CNKSR2: variants seen among roughly 807,000 people sequenced by gnomAD.
CNKSR2 encodes CNK homolog protein 2.
In CNKSR2, 14 loss-of-function variants were observed where a neutral mutation model predicts 84.4. That is an observed-to-expected ratio of 0.17 (90% CI 0.11 to 0.26). The LOEUF is 0.26. Ranked by LOEUF, CNKSR2 falls within the 10% of genes least tolerant of loss-of-function variation. The pLI is 1.00. For missense variants in CNKSR2, 485 were observed against 771.2 expected (o/e 0.63, Z 4.40); for synonymous variants, 275 against 277.9 (o/e 0.99, Z 0.10).
Position 21,402,615 on chromosome X carries a change from T to G in CNKSR2, c.65-23882T>G, listed in dbSNP as rs1032235140. 3.6e-5 allele frequency among the ~76,000 whole-genome samples: 4 copies of G among 111,108 alleles called. No homozygotes were observed. In the East Asian group the frequency reaches 8.4e-4, roughly 23 times the overall value. ...GCTAAAAGAGAGGATAATGCTAAAA[T>G]AGTAAATAAATATTTTTATATTTAT... On this transcript the variant is annotated intron_variant, in intron 1 of 21. Transcript: ENST00000379510.
chrX:21,487,264 C>A (rs1225385044), intron 5 of CNKSR2, among the ~76,000 whole-genome samples: 2 of 111,516 alleles, frequency 1.8e-5, no homozygotes, highest in African/African-American at 3.3e-5. Context: ...TTGGTATTTT[C>A]TTTTCCCTAA....
At chrX:21,632,247 C>T (rs887379550) in intron 20 of CNKSR2, among the ~76,000 whole-genome samples, 2 of 111,379 alleles carry the variant, frequency 1.8e-5, no homozygotes, top group African/African-American at 3.3e-5. Context: ...TCAGCTTGGC[C>T]GTTTCTGTTG....
intron 1 of CNKSR2, among the ~76,000 whole-genome samples, chrX:21,375,183 G>C (rs1375251754): frequency 8.8e-6 from 1 of 113,028 alleles, no homozygotes. Context: ...AGAGCTAGAG[G>C]GCAGCGGGCG....
At chrX:21,586,332 G>T (rs142179042) in intron 13 of CNKSR2, among the ~76,000 whole-genome samples, 1,885 of 111,777 alleles carry the variant, frequency 0.017, 15 homozygotes, top group Middle Eastern at 0.051. Flanking sequence ...GTATAAAACT[G>T]AATTCCTAGG....
chrX:21,559,195 A>ACACAC (rs1439799514), intron 11 of CNKSR2, among the ~76,000 whole-genome samples: 1 of 110,433 alleles, frequency 9.1e-6, no homozygotes, highest in Non-Finnish European at 1.9e-5. Context: ...TAAACAAGAG[A>ACACAC]CACACAGCAA....
intron 1 of CNKSR2, among the ~76,000 whole-genome samples, chrX:21,404,161 G>A (rs908737985): frequency 2.7e-5 from 3 of 111,667 alleles, no homozygotes; most frequent in African/African-American, 9.7e-5. Flanking sequence ...ATAGAGGAGA[G>A]ATGCAAGATG....
At chrX:21,421,287 GTT>G (rs756375947) in intron 1 of CNKSR2, among the ~76,000 whole-genome samples, 2,745 of 86,873 alleles carry the variant, frequency 0.032, 107 homozygotes, top group African/African-American at 0.11. Flanking sequence ...ATTTAAGATG[GTT>G]TTTTTTTTTT....
chrX:21,538,718 G>A, intron 11 of CNKSR2: 1 of 112,809 alleles, frequency 8.9e-6, no homozygotes, highest in Non-Finnish European at 1.9e-5. Context: ...GAAGCCAACA[G>A]TGCGGACTTC....
intron 2 of CNKSR2, chrX:21,429,432 C>A (rs2090606601): frequency 9.0e-6 from 1 of 111,644 alleles, no homozygotes; most frequent in South Asian, 3.8e-4. Flanking sequence ...GCAGTGCCCT[C>A]CGTACCCCTG....
At chrX:21,387,518 T>C (rs1342210008) in intron 1 of CNKSR2, among the ~76,000 whole-genome samples, 1 of 111,763 alleles carries the variant, frequency 8.9e-6, no homozygotes, top group Non-Finnish European at 1.9e-5. Flanking sequence ...TACAGCAGAA[T>C]AGCTGAGGAA....
chrX:21,625,249 G>T (rs181489836), intron 20 of CNKSR2, among the ~76,000 whole-genome samples: 1 of 112,402 alleles, frequency 8.9e-6, no homozygotes, highest in East Asian at 2.8e-4. Flanking sequence ...TATAATACAT[G>T]TAACATGGCA....
At chrX:21,446,162 A>C (rs2090852281) in intron 4 of CNKSR2, among the ~76,000 whole-genome samples, 1 of 111,561 alleles carries the variant, frequency 9.0e-6, no homozygotes, top group Admixed American at 9.6e-5. Flanking sequence ...TTAATTATAA[A>C]GAAGCAATAT....
chrX:21,581,958 CA>C (rs1229519671), intron 13 of CNKSR2, among the ~76,000 whole-genome samples: 1 of 111,582 alleles, frequency 9.0e-6, no homozygotes, highest in Non-Finnish European at 1.9e-5. Context: ...AAGAATTAGT[CA>C]AAAGGCAGGC....
chrX:21,522,796 T>C (rs1258939926), intron 9 of CNKSR2, among the ~76,000 whole-genome samples: 1 of 110,853 alleles, frequency 9.0e-6, no homozygotes, highest in African/African-American at 3.3e-5. Context: ...CAATGATGTT[T>C]AAGCTGGATG....
At chrX:21,464,578 C>T (rs1012484500) in intron 4 of CNKSR2, among the ~76,000 whole-genome samples, 6 of 111,268 alleles carry the variant, frequency 5.4e-5, no homozygotes, top group Non-Finnish European at 1.1e-4. Context: ...TGCGGAGATT[C>T]CCATAACTGA....
At chrX:21,585,162 G>A (rs1407045109) in intron 13 of CNKSR2, among the ~76,000 whole-genome samples, 1 of 108,443 alleles carries the variant, frequency 9.2e-6, no homozygotes, top group Non-Finnish European at 1.9e-5. Flanking sequence ...AGGATCACTT[G>A]AGCCCAGGAG....
At chrX:21,615,358 G>T (rs1478963603) in intron 20 of CNKSR2, among the ~76,000 whole-genome samples, 1 of 111,895 alleles carries the variant, frequency 8.9e-6, no homozygotes, top group African/African-American at 3.2e-5. Context: ...GAATGAATAA[G>T]CATGTTTTCC....
At chrX:21,645,822 G>A (rs1425233536) in intron 20 of CNKSR2, 2 of 111,824 alleles carry the variant, frequency 1.8e-5, no homozygotes, top group East Asian at 5.6e-4. Context: ...AGTTGCAACA[G>A]TAGCCCCAAT....
rs376376520 is a variant in CNKSR2 at position 21,399,583 on chromosome X, G to C, written c.64+24622G>C. 2.3e-4 allele frequency among the ~76,000 whole-genome samples: 26 copies of C among 111,559 alleles called. No individual in the cohort carries two copies. The South Asian group carries it at 9.4e-3, about 40-fold the overall frequency. On this transcript the variant is annotated intron_variant, in intron 1 of 21. Coordinates refer to ENST00000379510, the MANE Select transcript of CNKSR2 (RefSeq NM_014927.5). ...GATGTTTTAAAAATTTTCTCTAAAC[G>C]TTTAATCCATTATAAAAACCTCTTA...
Sources: gnomAD v4.1 joint callset for allele counts (sites outside exome capture counted in the v4.1 genomes callset) on GRCh38, gnomAD v4.1.1 for gene constraint, MANE v1.5 for transcripts, NCBI Gene and HGNC (gene_info 2026-07-23, HGNC 2026-07-21) for gene names.